The following MSN variants were observed in gnomAD, a reference collection of about 807,000 sequenced individuals.
MSN encodes the protein moesin, also known as epididymis luminal protein 70.
A neutral mutation model predicts 48.0 loss-of-function variants in MSN; 2 were observed. The ratio of observed to expected loss-of-function variants is 0.04; its 90% CI spans 0.02 to 0.13. The LOEUF (loss-of-function observed/expected upper bound fraction) is 0.13, where lower values mean the gene tolerates loss of function less well. Ranked by LOEUF, MSN falls within the 10% of genes least tolerant of loss-of-function variation. MSN has a pLI of 1.00. For synonymous variants in MSN, 146 were observed against 166.9 expected, an observed-to-expected ratio of 0.87 and a Z score of 0.97; for missense variants, 267 against 470.1, an observed-to-expected ratio of 0.57 and a Z score of 3.99.
chrX:65,615,571 A>T (rs1428712348), intron 1 of MSN, among the ~76,000 whole-genome samples: 1 of 104,889 alleles, frequency 9.5e-6, no homozygotes, highest in African/African-American at 3.5e-5. Flanking sequence ...TTTCTTGTAA[A>T]TTTGTTTGAG....
chrX:65,657,117 A>C (rs2070787805), intron 1 of MSN, among the ~76,000 whole-genome samples: 1 of 111,390 alleles, frequency 9.0e-6, no homozygotes, highest in Non-Finnish European at 1.9e-5. Flanking sequence ...GATGGGATGG[A>C]GTGAAGCTGT....
chrX:65,656,614 A>T (rs1331962206), intron 1 of MSN, among the ~76,000 whole-genome samples: 1 of 111,335 alleles, frequency 9.0e-6, no homozygotes, highest in African/African-American at 3.3e-5. Flanking sequence ...CCTGGAATGG[A>T]AAATTAAAAT....
At chrX:65,627,475 T>C (rs965400247) in intron 1 of MSN, among the ~76,000 whole-genome samples, 9 of 110,400 alleles carry the variant, frequency 8.2e-5, no homozygotes, top group Non-Finnish European at 1.3e-4. Flanking sequence ...GAAGCAAAAG[T>C]GGAAACCCCT....
intron 1 of MSN, among the ~76,000 whole-genome samples, chrX:65,694,077 A>AC (rs2071203949): frequency 9.3e-6 from 1 of 107,712 alleles, no homozygotes; most frequent in South Asian, 4.0e-4. Flanking sequence ...ACAAAAAACA[A>AC]AAAAAAAAAA....
intron 1 of MSN, among the ~76,000 whole-genome samples, chrX:65,670,897 T>C (rs1368134406): frequency 0.012 from 4 of 327 alleles, no homozygotes; most frequent in Non-Finnish European, 0.041. Flanking sequence ...TGATGACAGT[T>C]ATATATATAT....
intron 10 of MSN, 135 bp downstream of exon 10, chrX:65,737,473 T>A: frequency 2.6e-6 from 2 of 756,964 alleles, no homozygotes; most frequent in Non-Finnish European, 3.7e-6. Flanking sequence ...AGCAAATAAC[T>A]AGTTCAGAAG....
At chrX:65,721,261 T>A (rs1436396957) in intron 2 of MSN, among the ~76,000 whole-genome samples, 1 of 112,348 alleles carries the variant, frequency 8.9e-6, no homozygotes, top group Non-Finnish European at 1.9e-5. Flanking sequence ...AGCCCTGAGT[T>A]CAAATTCTGT....
rs759790317 is a variant in MSN at position 65,701,527 on chromosome X, C to A, written c.13-15291C>A. 2.7e-5 allele frequency among the ~76,000 whole-genome samples: 3 copies of A among 112,120 alleles called. No homozygotes were observed. In the East Asian group the frequency reaches 8.4e-4, roughly 31 times the overall value. On this transcript the variant is annotated intron_variant, in intron 1 of 12. Transcript: ENST00000360270. ...GAACTTTTCAGATGGAAAGAATCACCTGAGGCATTTGTTAAAATGCTAATT... is the reference window on the plus strand; with the variant it reads ...GAACTTTTCAGATGGAAAGAATCACATGAGGCATTTGTTAAAATGCTAATT...
chrX:65,670,380 A>G (rs1447358113), intron 1 of MSN, among the ~76,000 whole-genome samples: 1 of 111,433 alleles, frequency 9.0e-6, no homozygotes, highest in Non-Finnish European at 1.9e-5. Context: ...GGTCGGTTTC[A>G]CTTTTATAGC....
At chrX:65,638,877 C>A (rs1464500963) in intron 1 of MSN, among the ~76,000 whole-genome samples, 2 of 112,139 alleles carry the variant, frequency 1.8e-5, no homozygotes, top group African/African-American at 6.5e-5. Context: ...TATGAATCCA[C>A]CTTTGCCATT....
At chrX:65,720,109 T>C (rs914730411) in intron 2 of MSN, among the ~76,000 whole-genome samples, 2 of 111,783 alleles carry the variant, frequency 1.8e-5, no homozygotes, top group Non-Finnish European at 3.8e-5. Flanking sequence ...ATCATTGTTA[T>C]CTTGAGAAGT....
In MSN at chrX:65,740,322, G is replaced by A. The variant is rs1163554581; in HGVS notation, c.*429G>A. The A allele has an allele frequency of 2.8e-5, 5 of 180,695 alleles. No individual in the cohort carries two copies. Among genetic ancestry groups the A allele is most frequent in the South Asian group, 6.2e-4 (2 of 3,248 alleles). 14.9% of individuals were successfully genotyped at this position (180,695 alleles called of 1,213,427 possible). ...GATTTACACGGTTGGAGTGTTATGC[G>A]GTCTAGGGAATGAGACAGGACCTAG... On this transcript the variant is annotated 3_prime_UTR_variant, in exon 13 of 13. Coordinates refer to ENST00000360270, the MANE Select transcript of MSN (RefSeq NM_002444.3).
intron 1 of MSN, among the ~76,000 whole-genome samples, chrX:65,652,518 G>T (rs1403536123): frequency 1.8e-5 from 2 of 111,357 alleles, no homozygotes; most frequent in Non-Finnish European, 3.8e-5. Flanking sequence ...CTCAGATCTG[G>T]CCCTGAGCCA....
chrX:65,629,956 A>G (rs1602735566), intron 1 of MSN, among the ~76,000 whole-genome samples: 2 of 111,578 alleles, frequency 1.8e-5, no homozygotes, highest in East Asian at 5.6e-4. Flanking sequence ...AGGTGGGCCG[A>G]TGACTTGAGG....
At chrX:65,733,676 C>CCTCTCT in intron 7 of MSN, among the ~76,000 whole-genome samples, 1 of 110,112 alleles carries the variant, frequency 9.1e-6, no homozygotes, top group East Asian at 2.9e-4. Context: ...TTCCTTCCTT[C>CCTCTCT]CTCTCTCTCT....
chrX:65,617,168 CT>C (rs1052650471), intron 1 of MSN, among the ~76,000 whole-genome samples: 2 of 105,116 alleles, frequency 1.9e-5, no homozygotes, highest in Non-Finnish European at 3.8e-5. Context: ...CTAAAATTCT[CT>C]TTTTTTGTTG....
At chrX:65,666,010 T>C (rs1484355859), upstream of MSN, among the ~76,000 whole-genome samples, 1 of 111,302 alleles carries the variant, frequency 9.0e-6, no homozygotes, top group Non-Finnish European at 1.9e-5. Flanking sequence ...AACTCGGACT[T>C]ATTTTATTTT....
At chrX:65,645,312 A>G (rs749076637) in intron 1 of MSN, among the ~76,000 whole-genome samples, 1 of 111,378 alleles carries the variant, frequency 9.0e-6, no homozygotes, top group South Asian at 3.8e-4. Flanking sequence ...TCTCATCTGT[A>G]TCAGTGGAGT....
At position 65,710,832 on chromosome X, in the gene MSN, T is replaced by A. The variant is rs1253088881; in HGVS notation, c.13-5986T>A. Among the ~76,000 whole-genome samples the A allele has an allele frequency of 2.7e-5, 3 of 109,581 alleles. No individual in the cohort carries two copies. The Admixed American group carries it at 2.9e-4, about 11-fold the overall frequency. The stretch of plus-strand genomic sequence containing the variant: ...TTCAAGCGATTCTCCTGCCTCAGCC[T>A]CCAGAGTAGCTGGGACTACAGGCGT... On this transcript the variant is annotated intron_variant, in intron 1 of 12. Coordinates refer to ENST00000360270, the MANE Select transcript of MSN (RefSeq NM_002444.3).
Sources: gnomAD v4.1 joint callset for allele counts (sites outside exome capture counted in the v4.1 genomes callset) on GRCh38, gnomAD v4.1.1 for gene constraint, MANE v1.5 for transcripts, NCBI Gene and HGNC (gene_info 2026-07-23, HGNC 2026-07-21) for gene names.